Variants in TTF1 observed in about 807,000 individuals in gnomAD.
TTF1 encodes the protein transcription termination factor, RNA polymerase I.
In TTF1, 64 loss-of-function variants were observed where a neutral mutation model predicts 80.2. The observed-to-expected ratio is 0.80, with a 90% CI of 0.65 to 0.98. The LOEUF (loss-of-function observed/expected upper bound fraction) is 0.98, where lower values mean the gene tolerates loss of function less well. Ranked by LOEUF, TTF1 falls within the 50% of genes least tolerant of loss-of-function variation. TTF1 has a pLI of 0.00. For missense variants in TTF1, 1,023 were observed against 1,086.2 expected (o/e 0.94, Z 0.82); for synonymous variants, 372 against 382.7 (o/e 0.97, Z 0.33).
intron 5 of TTF1, among the ~76,000 whole-genome samples, chr9:132,395,967 C>T (rs149364968): frequency 1.7e-4 from 26 of 152,264 alleles, no homozygotes; most frequent in East Asian, 1.5e-3. Flanking sequence ...GAATGACAAC[C>T]GGGTTAAGCA....
In TTF1 at chr9:132,402,133, T is replaced by A. The variant is rs1849776206; in HGVS notation, c.689A>T (p.Glu230Val). 1 of 1,614,012 alleles carries A rather than the reference T, an allele frequency of 6.2e-7. No homozygotes were observed. The highest frequency in any genetic ancestry group is 1.7e-5 in the Admixed American group (1 of 59,994). The change falls in exon 2 of 11, where the codon GAA (glutamate) becomes GTA (valine). Residue 230 changes from glutamate to valine, a missense_variant. Glu to Val is a moderately radical substitution (Grantham distance 121). Coordinates refer to ENST00000334270, the MANE Select transcript of TTF1 (RefSeq NM_007344.4). ...KKKKKKSSNR[E>V]YETLAMPEGS... is the part of the protein sequence containing the mutation. ...TTCAGGCATGGCCAGTGTCTCATAT[T>A]CCCGGTTACTGGACTTTTTCTTTTT...
rs1186205653 is a variant in TTF1 at position 132,390,445 on chromosome 9, CAG to C, written c.2222+150_2222+151del. ...GGGCTAGTTACGTGCTCATTTAAAT[CAG>C]AGAGTGATATGGAAGCAGCTGGGGC... is the stretch of plus-strand genomic sequence containing the variant. On this transcript the variant is annotated intron_variant, in intron 7 of 10. Transcript: ENST00000334270. The C allele has an allele frequency of 7.4e-6, 5 of 674,246 alleles. No individual in the cohort carries two copies. In the Admixed American group the frequency reaches 1.4e-4, roughly 19 times the overall value. The allele number at this position is 674,246 out of a possible 1,614,324, so 41.8% of individuals were successfully genotyped here. A position where few individuals can be genotyped will look rare whatever the true frequency, so the allele number is the denominator to read the frequency against.
chr9:132,380,872 AC>A (rs888308944), intron 9 of TTF1, among the ~76,000 whole-genome samples: 10 of 152,078 alleles, frequency 6.6e-5, no homozygotes, highest in Admixed American at 3.3e-4. Context: ...TTCATCAGTT[AC>A]CCCCTACCTG....
intron 6 of TTF1, 44 bp from the exon 7 acceptor site, chr9:132,390,875 C>T: frequency 1.3e-6 from 2 of 1,529,404 alleles, no homozygotes; most frequent in Non-Finnish European, 1.8e-6. Context: ...AGTCTATTTG[C>T]TTTCAAACAC....
In TTF1 at chr9:132,402,531, G is replaced by A. The variant is rs772573075; in HGVS notation, c.291C>T (p.Asp97=). 1.1e-5 allele frequency: 17 copies of A among 1,613,982 alleles called. No homozygotes were observed. The highest frequency in any genetic ancestry group is 7.7e-5 in the South Asian group (7 of 91,072). The change falls in exon 2 of 11, where the codon GAC becomes GAT. Residue 97 remains aspartate, a synonymous_variant. Coordinates refer to ENST00000334270, the MANE Select transcript of TTF1 (RefSeq NM_007344.4). ...GGACAACTGTAACACCTGCTTCCTC[G>A]TCCACCTCCAAAGCACTATATCTTC... The part of the protein sequence containing the change: ...KKRRYSALEV[D]EEAGVTVVLV...
chr9:132,389,826 C>A (rs1165049147), intron 7 of TTF1, among the ~76,000 whole-genome samples: 1 of 152,160 alleles, frequency 6.6e-6, no homozygotes, highest in Non-Finnish European at 1.5e-5. Context: ...GAAACTGTCT[C>A]TATGTGACTG....
At chr9:132,404,772 C>T (rs1033361644) in intron 1 of TTF1, among the ~76,000 whole-genome samples, 1 of 152,190 alleles carries the variant, frequency 6.6e-6, no homozygotes, top group African/African-American at 2.4e-5. Context: ...CCACTGAGAC[C>T]GTTCCAGCAA....
At chr9:132,403,746 A>G (rs1849810961) in intron 1 of TTF1, among the ~76,000 whole-genome samples, 1 of 152,214 alleles carries the variant, frequency 6.6e-6, no homozygotes, top group Non-Finnish European at 1.5e-5. Context: ...CTGTGTTTGT[A>G]CCATGGAGAA....
At chr9:132,396,867 T>C (rs1849661753) in intron 4 of TTF1, among the ~76,000 whole-genome samples, 1 of 151,856 alleles carries the variant, frequency 6.6e-6, no homozygotes, top group South Asian at 2.1e-4. Context: ...GGGGTTTCAC[T>C]AAATGAAACC....
intron 5 of TTF1, among the ~76,000 whole-genome samples, chr9:132,395,662 T>C (rs939653583): frequency 1.3e-5 from 2 of 152,124 alleles, no homozygotes; most frequent in African/African-American, 4.8e-5. Context: ...CATATCAACG[T>C]TGGAAGTTTA....
intron 7 of TTF1, among the ~76,000 whole-genome samples, chr9:132,388,869 A>T (rs971102629): frequency 4.6e-5 from 7 of 152,246 alleles, no homozygotes; most frequent in African/African-American, 1.7e-4. Flanking sequence ...TCACAATCTG[A>T]TAGATCATTA....
At chr9:132,382,905 A>C (rs937005485) in intron 9 of TTF1, among the ~76,000 whole-genome samples, 1 of 152,070 alleles carries the variant, frequency 6.6e-6, no homozygotes, top group Non-Finnish European at 1.5e-5. Flanking sequence ...GTCTCTATTA[A>C]AAATACAAAA....
chr9:132,401,943 C>A lies in TTF1; in HGVS notation c.879G>T (p.Met293Ile). 1 of 1,611,314 alleles carries A rather than the reference C, an allele frequency of 6.2e-7. No individual in the cohort carries two copies. Among genetic ancestry groups the A allele is most frequent in the Non-Finnish European group, 8.5e-7 (1 of 1,178,868 alleles). ...SNHQEFEALAMPEGSQVGSEV... is the reference protein window; with the variant it reads ...SNHQEFEALAIPEGSQVGSEV... The stretch of plus-strand genomic sequence containing the variant: ...CACTGCCCACTTGTGATCCTTCAGG[C>A]ATGGCCAATGCCTCAAATTCCTGGT... Residue 293 changes from methionine to isoleucine, a missense_variant, in exon 2 of 11, where the codon ATG (methionine) becomes ATT (isoleucine). Transcript: ENST00000334270.
intron 5 of TTF1, among the ~76,000 whole-genome samples, chr9:132,392,925 C>T (rs908496319): frequency 2.0e-5 from 3 of 152,146 alleles, no homozygotes; most frequent in South Asian, 2.1e-4. Context: ...AAAATATCAA[C>T]GATGTATTTT....
At chr9:132,377,562 TGTG>T (rs1173050035) in intron 10 of TTF1, among the ~76,000 whole-genome samples, 6 of 115,504 alleles carry the variant, frequency 5.2e-5, no homozygotes, top group African/African-American at 2.0e-4. Context: ...TGTGAATGCA[TGTG>T]GTGAGTGCAT....
At position 132,398,990 on chromosome 9, in the gene TTF1, G is replaced by A. The variant is rs138351741; in HGVS notation, c.1592-664C>T. On this transcript the variant is annotated intron_variant, in intron 3 of 10. Transcript: ENST00000334270. The stretch of plus-strand genomic sequence containing the variant: ...AGACAGGCGAATCATGAGGTCAGGA[G>A]TTTGAGACCAGCCTGGTCAATAATA... Among the ~76,000 whole-genome samples, 763 of 152,204 alleles carry A rather than the reference G, an allele frequency of 5.0e-3. 13 individuals carry two copies. The highest frequency in any genetic ancestry group is 0.018 in the African/African-American group (727 of 41,534).
At chr9:132,381,038 A>C (rs764833520) in intron 9 of TTF1, among the ~76,000 whole-genome samples, 5 of 152,142 alleles carry the variant, frequency 3.3e-5, no homozygotes, top group Non-Finnish European at 5.9e-5. Flanking sequence ...CAGCCTCCAG[A>C]GTAGCTGGGA....
chr9:132,400,228 C>T lies in TTF1; in HGVS notation c.1398G>A (p.Val466=), dbSNP rs762617436. Residue 466 remains valine (V), a synonymous_variant, in exon 3 of 11, where the codon GTG becomes GTA. Coordinates refer to ENST00000334270, the MANE Select transcript of TTF1 (RefSeq NM_007344.4). The part of the protein sequence containing the change: ...RLEPANEEHN[V]ETAEDSEIRY... ...TTATTTCGGAATCTTCAGCTGTTTC[C>T]ACATTGTGTTCTTCATTTGCAGGTT... The T allele has an allele frequency of 8.1e-6, 13 of 1,614,036 alleles. No homozygotes were observed. Among genetic ancestry groups the T allele is most frequent in the Non-Finnish European group, 1.1e-5 (13 of 1,180,046 alleles).
intron 10 of TTF1, 60 bp downstream of exon 10, chr9:132,378,999 T>A: frequency 7.4e-7 from 1 of 1,357,038 alleles, no homozygotes; most frequent in Non-Finnish European, 1.0e-6. Context: ...GTGACTTTCA[T>A]TACCAGCATG....
Sources: allele counts gnomAD v4.1 joint callset (sites outside exome capture counted in the v4.1 genomes callset), GRCh38; gene constraint gnomAD v4.1.1; transcripts MANE v1.5; gene names NCBI Gene and HGNC (gene_info 2026-07-23, HGNC 2026-07-21).